CDH6: variants seen among roughly 807,000 people sequenced by gnomAD.
CDH6 encodes the protein cadherin-6.
Under a neutral mutation model 78.0 loss-of-function variants are expected in CDH6, and 31 were observed. The observed-to-expected ratio is 0.40, with a 90% CI of 0.30 to 0.54. The LOEUF (loss-of-function observed/expected upper bound fraction) is 0.54, where lower values mean the gene tolerates loss of function less well. CDH6 is among the 20% of genes least tolerant of loss of function. The pLI, the probability that CDH6 is intolerant of heterozygous loss-of-function variation, is 0.56. For synonymous variants in CDH6, 376 were observed against 368.8 expected (o/e 1.02, Z -0.23); for missense variants, 724 against 975.9 (o/e 0.74, Z 3.44).
chr5:31,230,635 G>A (rs55815423), intron 1 of CDH6, among the ~76,000 whole-genome samples: 12,850 of 152,046 alleles, frequency 0.085, 685 homozygotes, highest in South Asian at 0.26. Context: ...CAAATCCTCC[G>A]TGCAAAAATG....
intron 2 of CDH6, among the ~76,000 whole-genome samples, chr5:31,284,594 G>A (rs906985723): frequency 6.6e-6 from 1 of 152,194 alleles, no homozygotes; most frequent in Non-Finnish European, 1.5e-5. Flanking sequence ...TCCAGTAGAA[G>A]GACAAAGAAA....
chr5:31,300,077 G>A (rs1273478028), intron 5 of CDH6, among the ~76,000 whole-genome samples: 2 of 152,206 alleles, frequency 1.3e-5, no homozygotes, highest in Admixed American at 6.5e-5. Flanking sequence ...AACTGTGGAA[G>A]TAACTAGGTA....
intron 2 of CDH6, among the ~76,000 whole-genome samples, chr5:31,292,301 A>G (rs544524559): frequency 6.6e-6 from 1 of 152,326 alleles, no homozygotes; most frequent in South Asian, 2.1e-4. Flanking sequence ...ATGTAGTTTC[A>G]AACTGCAGAC....
intron 2 of CDH6, among the ~76,000 whole-genome samples, chr5:31,269,217 TC>T (rs2149934389): frequency 6.7e-6 from 1 of 149,038 alleles, no homozygotes; most frequent in African/African-American, 2.4e-5. Flanking sequence ...TTTCCAGTTT[TC>T]CTCTCCAATT....
rs11296915 is a variant in CDH6 at position 31,266,637 on chromosome 5, GAA to G, written c.-128-698_-128-697del. The stretch of plus-strand genomic sequence containing the variant: ...CTATAGTATTATTAGGTCCTCTAAG[GAA>G]AAAAAAAAAAGTTTTCTGGTCAAGT... On this transcript the variant is annotated intron_variant, in intron 1 of 11. Coordinates refer to ENST00000265071, the MANE Select transcript of CDH6 (RefSeq NM_004932.4). Among the ~76,000 whole-genome samples the G allele has an allele frequency of 1.7e-3, 254 of 148,154 alleles. 1 individual carries two copies. Among genetic ancestry groups the G allele is most frequent in the African/African-American group, 5.2e-3 (212 of 40,484 alleles).
At chr5:31,233,034 A>G (rs1741355003) in intron 1 of CDH6, among the ~76,000 whole-genome samples, 1 of 152,186 alleles carries the variant, frequency 6.6e-6, no homozygotes, top group South Asian at 2.1e-4. Flanking sequence ...AGTTCACTAT[A>G]TCATGCTGTT....
chr5:31,289,241 G>A (rs1364898386), intron 2 of CDH6, among the ~76,000 whole-genome samples: 1 of 152,128 alleles, frequency 6.6e-6, no homozygotes, highest in Non-Finnish European at 1.5e-5. Flanking sequence ...CTGTGTCTGT[G>A]TTAGTTCATT....
intron 1 of CDH6, among the ~76,000 whole-genome samples, chr5:31,210,022 T>C (rs1280084884): frequency 6.6e-6 from 1 of 152,072 alleles, no homozygotes; most frequent in Non-Finnish European, 1.5e-5. Context: ...AAATTCTAGG[T>C]GCTATTTAGC....
intron 1 of CDH6, among the ~76,000 whole-genome samples, chr5:31,227,232 G>T (rs1741179207): frequency 6.6e-6 from 1 of 152,088 alleles, no homozygotes; most frequent in African/African-American, 2.4e-5. Context: ...CGGCGGGAAA[G>T]CACCTCCGCC....
chr5:31,248,403 G>A (rs1032210298), intron 1 of CDH6, among the ~76,000 whole-genome samples: 3 of 152,072 alleles, frequency 2.0e-5, no homozygotes, highest in East Asian at 1.9e-4. Flanking sequence ...CTTATCAGGC[G>A]TCTTAATTTA....
Position 31,279,155 on chromosome 5 carries a change from C to T in CDH6, c.228+11454C>T, listed in dbSNP as rs546557712. 2.0e-5 allele frequency among the ~76,000 whole-genome samples: 3 copies of T among 152,316 alleles called. No homozygotes were observed. The East Asian group carries it at 5.8e-4, about 29-fold the overall frequency. ...TTGAAAATTCTTGTATAACTTTCAA[C>T]TCCCCAAAAACTTAGCTACAAATGG... On this transcript the variant is annotated intron_variant, in intron 2 of 11. Coordinates refer to ENST00000265071, the MANE Select transcript of CDH6 (RefSeq NM_004932.4).
chr5:31,292,761 A>ATGTACG (rs1554009145), intron 2 of CDH6, among the ~76,000 whole-genome samples: 2 of 3,468 alleles, frequency 5.8e-4, no homozygotes, highest in Admixed American at 0.01. Flanking sequence ...ATATATATAT[A>ATGTACG]TGTGCGTGTG....
chr5:31,254,281 A>G (rs1386227331), intron 1 of CDH6, among the ~76,000 whole-genome samples: 1 of 152,232 alleles, frequency 6.6e-6, no homozygotes, highest in Admixed American at 6.5e-5. Context: ...GGAAATGCCA[A>G]AGATAAGTTG....
At chr5:31,236,666 G>C (rs1741462448) in intron 1 of CDH6, among the ~76,000 whole-genome samples, 2 of 152,238 alleles carry the variant, frequency 1.3e-5, no homozygotes, top group South Asian at 2.1e-4. Flanking sequence ...GGCTCTGCTT[G>C]GGAGGGATTC....
At chr5:31,268,029 C>T (rs374592636) in intron 2 of CDH6, among the ~76,000 whole-genome samples, 4 of 152,132 alleles carry the variant, frequency 2.6e-5, no homozygotes, top group African/African-American at 9.7e-5. Context: ...TATTAAAAAT[C>T]GGAATGGAGA....
intron 2 of CDH6, among the ~76,000 whole-genome samples, chr5:31,282,213 A>G (rs1742882315): frequency 6.6e-6 from 1 of 152,074 alleles, no homozygotes; most frequent in African/African-American, 2.4e-5. Flanking sequence ...GGAGGTCAGA[A>G]ATGGGTTTCA....
intron 1 of CDH6, among the ~76,000 whole-genome samples, chr5:31,242,790 G>A (rs1182377418): frequency 4.0e-5 from 6 of 151,734 alleles, no homozygotes; most frequent in African/African-American, 1.5e-4. Context: ...GAGAGGCTGA[G>A]GTGGGAGGAT....
intron 2 of CDH6, among the ~76,000 whole-genome samples, chr5:31,272,963 G>C (rs1415023714): frequency 6.6e-6 from 1 of 152,108 alleles, no homozygotes; most frequent in Non-Finnish European, 1.5e-5. Flanking sequence ...TAATGTACAG[G>C]CTTTCCCAAT....
chr5:31,272,113 G>A (rs188992539), intron 2 of CDH6, among the ~76,000 whole-genome samples: 7 of 152,266 alleles, frequency 4.6e-5, no homozygotes, highest in Admixed American at 4.6e-4. Flanking sequence ...CTTCCTAGGT[G>A]TTTGAACCCC....
Sources: gnomAD v4.1 joint callset for allele counts (sites outside exome capture counted in the v4.1 genomes callset) on GRCh38, gnomAD v4.1.1 for gene constraint, MANE v1.5 for transcripts, NCBI Gene and HGNC (gene_info 2026-07-23, HGNC 2026-07-21) for gene names.